The following GPC6 variants were observed in gnomAD, a reference collection of about 807,000 sequenced individuals.
GPC6 encodes glypican 6.
In GPC6, 14 loss-of-function variants were observed where a neutral mutation model predicts 55.2. The observed-to-expected ratio is 0.25, with a 90% CI of 0.17 to 0.40. The LOEUF (loss-of-function observed/expected upper bound fraction) is 0.40, where lower values mean the gene tolerates loss of function less well. Ranked by LOEUF, GPC6 falls within the 10% of genes least tolerant of loss-of-function variation. The pLI is 1.00. For synonymous variants in GPC6, 278 were observed against 259.6 expected, an observed-to-expected ratio of 1.07 and a Z score of -0.68; for missense variants, 641 against 708.5, an observed-to-expected ratio of 0.90 and a Z score of 1.08.
intron 3 of GPC6, among the ~76,000 whole-genome samples, chr13:93,998,824 C>T (rs909565219): frequency 6.6e-6 from 1 of 152,058 alleles, no homozygotes; most frequent in African/African-American, 2.4e-5. Context: ...TGCATTACCT[C>T]ACATACCTAT....
chr13:94,406,972 A>G lies in GPC6; in HGVS notation c.*3755A>G, dbSNP rs1055995679. 2 of 152,174 alleles carry G rather than the reference A, an allele frequency of 1.3e-5. No homozygotes were observed. Among genetic ancestry groups the G allele is most frequent in the African/African-American group, 2.4e-5 (1 of 41,448 alleles). 9.4% of individuals were successfully genotyped at this position (152,174 alleles called of 1,614,324 possible). On this transcript the variant is annotated 3_prime_UTR_variant, in exon 9 of 9. Transcript: ENST00000377047. ...TGCCAACAGAAGAGTAAAGGAAACC[A>G]TAACTTATAAATTTGTAATGTGTTC... is the stretch of plus-strand genomic sequence containing the variant.
At chr13:93,408,348 G>T (rs1876371774) in intron 1 of GPC6, among the ~76,000 whole-genome samples, 1 of 152,130 alleles carries the variant, frequency 6.6e-6, no homozygotes, top group Admixed American at 6.5e-5. Context: ...TAACAGGATG[G>T]GTACAGCACT....
intron 4 of GPC6, among the ~76,000 whole-genome samples, chr13:94,096,809 A>C (rs1006172818): frequency 6.6e-6 from 1 of 152,148 alleles, no homozygotes; most frequent in Non-Finnish European, 1.5e-5. Context: ...TCTGAGGTAA[A>C]TGGTCTCACC....
chr13:94,347,578 C>A (rs1878354090), intron 6 of GPC6, among the ~76,000 whole-genome samples: 2 of 151,986 alleles, frequency 1.3e-5, no homozygotes, highest in Admixed American at 1.3e-4. Context: ...TTTTAAATCA[C>A]CTATAGACAG....
intron 3 of GPC6, among the ~76,000 whole-genome samples, chr13:93,958,418 A>G (rs1225153392): frequency 6.6e-6 from 1 of 152,154 alleles, no homozygotes; most frequent in Non-Finnish European, 1.5e-5. Context: ...GTACATTGCT[A>G]GCCAGTTATC....
At chr13:93,681,097 C>T (rs965444229) in intron 2 of GPC6, among the ~76,000 whole-genome samples, 1 of 152,098 alleles carries the variant, frequency 6.6e-6, no homozygotes, top group African/African-American at 2.4e-5. Flanking sequence ...ACTTTGCTTC[C>T]ATGACTGTTA....
At chr13:94,165,865 C>T (rs1888350819) in intron 4 of GPC6, among the ~76,000 whole-genome samples, 1 of 152,038 alleles carries the variant, frequency 6.6e-6, no homozygotes. Context: ...ATCTTCTATT[C>T]TTATTTTCTC....
chr13:93,221,459 A>G, the GPC6 span, among the ~76,000 whole-genome samples: 1 of 152,292 alleles, frequency 6.6e-6, no homozygotes, highest in East Asian at 1.9e-4. Flanking sequence ...ATTGCAAGAC[A>G]AGAAGAATCT....
chr13:93,423,887 G>A (rs1345964494), intron 1 of GPC6, among the ~76,000 whole-genome samples: 2 of 152,022 alleles, frequency 1.3e-5, no homozygotes, highest in Non-Finnish European at 2.9e-5. Context: ...GACAAGCAAA[G>A]CACCTGCCAG....
chr13:93,258,261 T>C (rs1877022053), intron 1 of GPC6, among the ~76,000 whole-genome samples: 1 of 152,206 alleles, frequency 6.6e-6, no homozygotes, highest in South Asian at 2.1e-4. Flanking sequence ...CAGTCTTTGC[T>C]TTGGCTACTT....
At chr13:93,685,554 C>T (rs1037704172) in intron 2 of GPC6, among the ~76,000 whole-genome samples, 2 of 152,078 alleles carry the variant, frequency 1.3e-5, no homozygotes, top group Non-Finnish European at 2.9e-5. Context: ...TATGAAACAC[C>T]TCATTTAACA....
intron 6 of GPC6, among the ~76,000 whole-genome samples, chr13:94,365,420 A>T: frequency 6.6e-6 from 1 of 152,204 alleles, no homozygotes. Context: ...ACCCAGGAAG[A>T]AAAAAGGCAG....
At chr13:94,088,565 G>A (rs1296555729) in intron 4 of GPC6, among the ~76,000 whole-genome samples, 1 of 117,236 alleles carries the variant, frequency 8.5e-6, no homozygotes, top group Non-Finnish European at 1.9e-5. Context: ...GGAAGGGCAG[G>A]GGAGGGGAAG....
Position 93,798,918 on chromosome 13 carries a change from C to CAA in GPC6, c.320-31218_320-31217dup, listed in dbSNP as rs57665046. Among the ~76,000 whole-genome samples the CAA allele has an allele frequency of 5.7e-3, 493 of 86,180 alleles. 8 individuals carry two copies. Among genetic ancestry groups the CAA allele is most frequent in the South Asian group, 9.9e-3 (23 of 2,322 alleles). The allele number at this position is 86,180 out of a possible 152,430, so 56.5% of individuals were successfully genotyped here. On this transcript the variant is annotated intron_variant, in intron 2 of 8. Coordinates refer to ENST00000377047, the MANE Select transcript of GPC6 (RefSeq NM_005708.5). ...TGGGTGACAGAGCAAGACTCTGTCT[C>CAA]AAAAAAAAAAAAAAAAAAATGGTGA...
At chr13:94,304,966 G>A (rs1181195549) in intron 5 of GPC6, among the ~76,000 whole-genome samples, 4 of 152,174 alleles carry the variant, frequency 2.6e-5, no homozygotes, top group Non-Finnish European at 5.9e-5. Flanking sequence ...ACTCAAAGGG[G>A]AGTTACTGAA....
Position 94,092,403 on chromosome 13 carries a change from C to T in GPC6, c.877+64509C>T, listed in dbSNP as rs138523670. Among the ~76,000 whole-genome samples, 1,003 of 152,168 alleles carry T rather than the reference C, an allele frequency of 6.6e-3. 10 individuals are homozygous for T. Among genetic ancestry groups the T allele is most frequent in the African/African-American group, 0.022 (909 of 41,520 alleles). On this transcript the variant is annotated intron_variant, in intron 4 of 8. Transcript: ENST00000377047. ...ATCATGCAGTATTTGTCTCTCTGTG[C>T]TTGGCTTACTTCACTTAATGTACTC...
intron 2 of GPC6, among the ~76,000 whole-genome samples, chr13:93,773,974 T>C (rs1885382310): frequency 6.6e-6 from 1 of 152,176 alleles, no homozygotes; most frequent in Non-Finnish European, 1.5e-5. Flanking sequence ...AGAAGACATG[T>C]TGAGATCAGA....
chr13:94,253,205 T>C (rs1421239541), intron 4 of GPC6, among the ~76,000 whole-genome samples: 1 of 152,170 alleles, frequency 6.6e-6, no homozygotes, highest in East Asian at 1.9e-4. Context: ...TACTTTCCGA[T>C]GCTCACTAAA....
rs114630496 is a variant in GPC6, at chr13:93,685,021, C to T, written c.319+139600C>T. 7.4e-3 allele frequency among the ~76,000 whole-genome samples: 1,121 copies of T among 152,298 alleles called. 12 individuals are homozygous for T. Among genetic ancestry groups the T allele is most frequent in the African/African-American group, 0.025 (1,043 of 41,568 alleles). The stretch of plus-strand genomic sequence containing the variant: ...TCATATATCTGGTAGCAAAAAATCA[C>T]TGCTTTGAAATTGACTTAATATTAT... On this transcript the variant is annotated intron_variant, in intron 2 of 8. Coordinates refer to ENST00000377047, the MANE Select transcript of GPC6 (RefSeq NM_005708.5).
Sources: allele counts gnomAD v4.1 joint callset (sites outside exome capture counted in the v4.1 genomes callset), GRCh38; gene constraint gnomAD v4.1.1; transcripts MANE v1.5; gene names NCBI Gene and HGNC (gene_info 2026-07-23, HGNC 2026-07-21).